Variants in MSX1 observed in about 807,000 individuals in gnomAD.
The protein encoded by MSX1 is homeobox protein MSX-1.
Under a neutral mutation model 17.0 loss-of-function variants are expected in MSX1, and 11 were observed. The ratio of observed to expected loss-of-function variants is 0.65; its 90% CI spans 0.41 to 1.07. The LOEUF is 1.07. Among genes scored for constraint, MSX1 ranks in the 50% least tolerant of loss-of-function variants. The pLI, the probability that MSX1 is intolerant of heterozygous loss-of-function variation, is 0.00. For synonymous variants in MSX1, 253 were observed against 211.8 expected (o/e 1.19, Z -1.69); for missense variants, 477 against 440.1 (o/e 1.08, Z -0.75).
chr4:4,861,487 GT>G (rs869139137), intron 1 of MSX1, among the ~76,000 whole-genome samples: 2 of 152,054 alleles, frequency 1.3e-5, no homozygotes, highest in Non-Finnish European at 2.9e-5. Context: ...GTTTTGTTTT[GT>G]TTTTTCTGTT....
intron 1 of MSX1, among the ~76,000 whole-genome samples, chr4:4,861,089 G>C (rs937172630): frequency 2.0e-5 from 3 of 152,288 alleles, no homozygotes; most frequent in Non-Finnish European, 2.9e-5. Context: ...CAGAGAACAC[G>C]CTCGGAGATA....
Position 4,863,333 on chromosome 4 carries a change from C to T in MSX1, c.*190C>T, listed in dbSNP as rs565193540. On this transcript the variant is annotated 3_prime_UTR_variant, in exon 2 of 2. Transcript: ENST00000382723. The stretch of plus-strand genomic sequence containing the variant: ...CCTGCCAAAAAGTGGCTGGAAGAGT[C>T]CCTTAGTACTCTTCTAGCATTTAGA... 21 of 421,194 alleles carry T rather than the reference C, an allele frequency of 5.0e-5. No individual in the cohort carries two copies. Among genetic ancestry groups the T allele is most frequent in the African/African-American group, 5.8e-5 (2 of 34,290 alleles). 26.1% of individuals were successfully genotyped at this position (421,194 alleles called of 1,614,324 possible).
rs1003755213 is a variant in MSX1, at chr4:4,862,753, G to A, written c.522G>A (p.Lys174=). ...CTLRKHKTNR[K]PRTPFTTAQL... is the part of the protein sequence containing the mutation. ...TCCGCAAACACAAGACGAACCGTAA[G>A]CCGCGGACGCCCTTCACCACCGCGC... The change falls in exon 2 of 2, where the codon AAG becomes AAA. Residue 174 remains lysine, a synonymous_variant. Transcript: ENST00000382723. The A allele has an allele frequency of 3.7e-6, 6 of 1,613,404 alleles. No individual in the cohort carries two copies. The African/African-American group carries it at 6.7e-5, about 18-fold the overall frequency.
intron 1 of MSX1, among the ~76,000 whole-genome samples, chr4:4,861,527 G>GA (rs1305275482): frequency 3.3e-5 from 5 of 152,350 alleles, no homozygotes; most frequent in African/African-American, 4.8e-5. Flanking sequence ...AGAGAGGTGT[G>GA]AAAAAATGCA....
chr4:4,860,078 C>T lies in MSX1; in HGVS notation c.179C>T (p.Pro60Leu), dbSNP rs1482382463. ...CCCAAAGTGTCCCCTTCGCTCCTGC[C>T]CTTCAGCGTGGAGGCGCTCATGGCC... ...AKPKVSPSLL[P>L]FSVEALMADH... Residue 60 changes from proline to leucine, a missense_variant, in exon 1 of 2, where the codon CCC becomes CTC. Coordinates refer to ENST00000382723, the MANE Select transcript of MSX1 (RefSeq NM_002448.3). 1.3e-6 allele frequency: 2 copies of T among 1,522,644 alleles called. No individual in the cohort carries two copies. The highest frequency in any genetic ancestry group is 2.1e-5 in the Admixed American group (1 of 48,214). The allele number at this position is 1,522,644 out of a possible 1,614,324, so 94.3% of individuals were successfully genotyped here.
Position 4,860,292 on chromosome 4 carries a change from C to G in MSX1, c.393C>G (p.Leu131=), listed in dbSNP as rs757983325. The G allele has an allele frequency of 1.2e-6, 2 of 1,601,030 alleles. No homozygotes were observed. The highest frequency in any genetic ancestry group is 1.7e-6 in the Non-Finnish European group (2 of 1,179,568). ...GGLLKLPEDA[L]VKAESPEKPE... ...TCCTCAAGCTGCCAGAAGATGCGCT[C>G]GTCAAAGCCGAGAGCCCCGAGAAGC... The change falls in exon 1 of 2, where the codon CTC becomes CTG. Residue 131 remains leucine (L), a synonymous_variant. Transcript: ENST00000382723.
rs550208148 is a variant in MSX1 at position 4,863,388 on chromosome 4, C to A, written c.*245C>A. 46 of 532,324 alleles carry A rather than the reference C, an allele frequency of 8.6e-5. No individual in the cohort carries two copies. The highest frequency in any genetic ancestry group is 8.2e-4 in the African/African-American group (43 of 52,224). 33.0% of individuals were successfully genotyped at this position (532,324 alleles called of 1,614,324 possible). On this transcript the variant is annotated 3_prime_UTR_variant, in exon 2 of 2. Coordinates refer to ENST00000382723, the MANE Select transcript of MSX1 (RefSeq NM_002448.3). ...CACTCTCGAGTTAAAGATGGGGAAA[C>A]TGAGGGCAGAGAGGTTAACAGATTT...
chr4:4,863,397 G>C lies in MSX1; in HGVS notation c.*254G>C. On this transcript the variant is annotated 3_prime_UTR_variant, in exon 2 of 2. Coordinates refer to ENST00000382723, the MANE Select transcript of MSX1 (RefSeq NM_002448.3). ...GTTAAAGATGGGGAAACTGAGGGCA[G>C]AGAGGTTAACAGATTTATCTAAGGT... is the stretch of plus-strand genomic sequence containing the variant. 1.9e-6 allele frequency: 1 copy of C among 519,018 alleles called. No individual in the cohort carries two copies. The highest frequency in any genetic ancestry group is 3.5e-6 in the Non-Finnish European group (1 of 288,924). 32.2% of individuals were successfully genotyped at this position (519,018 alleles called of 1,614,324 possible).
rs1303920433 is a variant in MSX1 at position 4,862,875 on chromosome 4, A to G, written c.644A>G (p.Gln215Arg). The G allele has an allele frequency of 1.2e-6, 2 of 1,613,780 alleles. No individual in the cohort carries two copies. The highest frequency in any genetic ancestry group is 1.1e-5 in the South Asian group (1 of 91,090). The part of the protein sequence containing the change: ...FSSSLSLTET[Q>R]VKIWFQNRRA... ...AGCTCGCTCAGCCTCACTGAGACGC[A>G]GGTGAAGATATGGTTCCAGAACCGC... The change falls in exon 2 of 2, where the codon CAG (glutamine) becomes CGG (arginine). Residue 215 changes from glutamine to arginine, a missense_variant. This residue lies in a region of MSX1 where 8 missense variants were observed against 27.7 expected (regional missense o/e 0.29). Coordinates refer to ENST00000382723, the MANE Select transcript of MSX1 (RefSeq NM_002448.3).
chr4:4,862,521 C>A (rs765121475), intron 1 of MSX1, 180 bp from the exon 2 acceptor site: 28 of 793,558 alleles, frequency 3.5e-5, no homozygotes, highest in Non-Finnish European at 5.7e-5. Context: ...TTCTCCCCTG[C>A]GGGGTTGCAA....
In MSX1 at chr4:4,863,194, G is replaced by A; in HGVS notation, c.*51G>A. 6.5e-7 allele frequency: 1 copy of A among 1,542,344 alleles called. No individual in the cohort carries two copies. Among genetic ancestry groups the A allele is most frequent in the Non-Finnish European group, 8.7e-7 (1 of 1,146,268 alleles). On this transcript the variant is annotated 3_prime_UTR_variant, in exon 2 of 2. Coordinates refer to ENST00000382723, the MANE Select transcript of MSX1 (RefSeq NM_002448.3). The stretch of plus-strand genomic sequence containing the variant: ...GCCAGCCGATTCCTCCAGCCCTGGT[G>A]CTGTACCCCCGACGTGCTCCCCTGC...
Position 4,859,978 on chromosome 4 carries a change from G to T in MSX1, c.79G>T (p.Gly27Ter), listed in dbSNP as rs778232428. 1.3e-6 allele frequency: 2 copies of T among 1,488,976 alleles called. No homozygotes were observed. The allele number at this position is 1,488,976 out of a possible 1,614,324, so 92.2% of individuals were successfully genotyped here. ...EDSAFGKPAG[G>*]GAGQAPSAAA... is the part of the protein sequence containing the mutation. The stretch of plus-strand genomic sequence containing the variant: ...CTCCGCCTTCGGCAAGCCGGCGGGG[G>T]GAGGCGCGGGCCAGGCCCCCAGCGC... The change falls in exon 1 of 2, where the codon GGA (glycine) becomes TGA (stop). Residue 27 changes from glycine to a stop codon, truncating the protein, a stop_gained. Coordinates refer to ENST00000382723, the MANE Select transcript of MSX1 (RefSeq NM_002448.3). LOFTEE classifies it high-confidence loss of function.
At chr4:4,861,139 C>T (rs995468983) in intron 1 of MSX1, among the ~76,000 whole-genome samples, 1 of 152,272 alleles carries the variant, frequency 6.6e-6, no homozygotes, top group Non-Finnish European at 1.5e-5. Flanking sequence ...TCCTCGTTTC[C>T]TCCGATTATT....
At position 4,863,427 on chromosome 4, in the gene MSX1, A is replaced by C. The variant is rs1382415527; in HGVS notation, c.*284A>C. 4.7e-6 allele frequency: 2 copies of C among 427,336 alleles called. No homozygotes were observed. The highest frequency in any genetic ancestry group is 8.5e-6 in the Non-Finnish European group (2 of 234,856). 26.5% of individuals were successfully genotyped at this position (427,336 alleles called of 1,614,324 possible). On this transcript the variant is annotated 3_prime_UTR_variant, in exon 2 of 2. Transcript: ENST00000382723. ...GTTAACAGATTTATCTAAGGTCCCC[A>C]GCAGAATTGACAGTTGAACAGAGCT...
At position 4,860,364 on chromosome 4, in the gene MSX1, G is replaced by T. The variant is rs768687042; in HGVS notation, c.465G>T (p.Pro155=). 50 of 1,603,462 alleles carry T rather than the reference G, an allele frequency of 3.1e-5. No homozygotes were observed. Among genetic ancestry groups the T allele is most frequent in the Non-Finnish European group, 4.2e-5 (49 of 1,179,294 alleles). The part of the protein sequence containing the change: ...WMQSPRFSPP[P]ARRLSPPACT... ...AGAGCCCCCGCTTCTCCCCGCCGCC[G>T]GCCAGTGAGTAGCCAGAACCCAGGC... is the stretch of plus-strand genomic sequence containing the variant. The change falls in exon 1 of 2, where the codon CCG becomes CCT. Residue 155 remains proline (P), a synonymous_variant. Coordinates refer to ENST00000382723, the MANE Select transcript of MSX1 (RefSeq NM_002448.3).
intron 1 of MSX1, 52 bp from the exon 2 acceptor site, chr4:4,862,649 G>A (rs373286777): frequency 2.1e-4 from 341 of 1,592,428 alleles, no homozygotes; most frequent in Non-Finnish European, 2.7e-4. Context: ...GGCTGATCAT[G>A]CTCCAATGCT....
chr4:4,863,567 AAAAAAAAAAAAAAAAAAAAAAG>A lies in MSX1; in HGVS notation c.*429_*450del, dbSNP rs1386432882. On this transcript the variant is annotated 3_prime_UTR_variant, in exon 2 of 2. Transcript: ENST00000382723. ...AGAACAATCTCAAAAAAAAAAAAAAAAAAAAAAAAAAAAAAAAAAAAGAAAAGAGAAAAAAAAGACTAGCCAG... is the reference window on the plus strand; with the variant it reads ...AGAACAATCTCAAAAAAAAAAAAAAAAAAAGAGAAAAAAAAGACTAGCCAG... The A allele has an allele frequency of 7.6e-6, 1 of 131,574 alleles. No homozygotes were observed. The highest frequency in any genetic ancestry group is 2.7e-5 in the African/African-American group (1 of 36,642). 8.2% of individuals were successfully genotyped at this position (131,574 alleles called of 1,614,324 possible).
intron 1 of MSX1, chr4:4,862,443 G>A (rs768485323): frequency 3.0e-6 from 2 of 677,100 alleles, no homozygotes; most frequent in South Asian, 3.0e-5. Flanking sequence ...TGTGGACATC[G>A]AGCCTTCAAC....
chr4:4,863,116 G>A lies in MSX1; in HGVS notation c.885G>A (p.Val295=). The A allele has an allele frequency of 6.2e-7, 1 of 1,608,236 alleles. No individual in the cohort carries two copies. The highest frequency in any genetic ancestry group is 8.5e-7 in the Non-Finnish European group (1 of 1,179,538). ...CCGTGGGACTCTACACGGCCCATGT[G>A]GGCTACAGCATGTACCACCTGACAT... is the stretch of plus-strand genomic sequence containing the variant. ...VAPVGLYTAH[V]GYSMYHLT is the part of the protein sequence containing the mutation. The change falls in exon 2 of 2, where the codon GTG becomes GTA. Residue 295 remains valine (V), a synonymous_variant. Coordinates refer to ENST00000382723, the MANE Select transcript of MSX1 (RefSeq NM_002448.3).
Sources: gnomAD v4.1 joint callset for allele counts (sites outside exome capture counted in the v4.1 genomes callset) on GRCh38, gnomAD v4.1.1 for gene constraint, gnomAD v4.1.1 regional missense constraint, MANE v1.5 for transcripts, NCBI Gene and HGNC (gene_info 2026-07-23, HGNC 2026-07-21) for gene names.